Variants in PPFIA2 observed in about 807,000 individuals in gnomAD.
PPFIA2 encodes PPFI scaffold protein A2.
PPFIA2 carries 46 observed loss-of-function variants against 175.5 expected under a neutral mutation model. That is an observed-to-expected ratio of 0.26 (90% CI 0.21 to 0.34). The LOEUF (loss-of-function observed/expected upper bound fraction) is 0.34. Among genes scored for constraint, PPFIA2 ranks in the 10% least tolerant of loss-of-function variants. The pLI, the probability that PPFIA2 is intolerant of heterozygous loss-of-function variation, is 1.00. For missense variants in PPFIA2, 1,179 were observed against 1,506.1 expected (o/e 0.78, Z 3.60); for synonymous variants, 568 against 511.4 (o/e 1.11, Z -1.49).
intron 14 of PPFIA2, among the ~76,000 whole-genome samples, chr12:81,363,026 C>T (rs758396645): frequency 9.9e-5 from 15 of 151,274 alleles, no homozygotes; most frequent in Admixed American, 6.6e-4. Context: ...TTTGAAAATT[C>T]GTGGGAATAT....
At chr12:81,595,131 C>T (rs2059105802) in intron 4 of PPFIA2, among the ~76,000 whole-genome samples, 1 of 151,144 alleles carries the variant, frequency 6.6e-6, no homozygotes, top group Admixed American at 6.6e-5. Flanking sequence ...GTTAGTAGAG[C>T]AAATAGATGG....
intron 4 of PPFIA2, among the ~76,000 whole-genome samples, chr12:81,666,416 G>C (rs1435858676): frequency 6.6e-6 from 1 of 152,124 alleles, no homozygotes; most frequent in Non-Finnish European, 1.5e-5. Flanking sequence ...ATACACCATG[G>C]AATATTATGC....
chr12:81,408,504 T>C (rs2043321540), intron 7 of PPFIA2, among the ~76,000 whole-genome samples: 1 of 152,168 alleles, frequency 6.6e-6, no homozygotes, highest in South Asian at 2.1e-4. Flanking sequence ...ATTTGTTTAA[T>C]AAACAGATGA....
chr12:81,459,715 G>A (rs940041697), intron 4 of PPFIA2, among the ~76,000 whole-genome samples: 24 of 152,156 alleles, frequency 1.6e-4, no homozygotes, highest in Admixed American at 1.4e-3. Context: ...CAGAAAGCTC[G>A]GCCTTTTTTA....
At chr12:81,657,574 G>C (rs1468357444) in intron 4 of PPFIA2, among the ~76,000 whole-genome samples, 1 of 152,110 alleles carries the variant, frequency 6.6e-6, no homozygotes, top group Non-Finnish European at 1.5e-5. Flanking sequence ...GTCACAGGGA[G>C]GATGTTTAGG....
intron 3 of PPFIA2, among the ~76,000 whole-genome samples, chr12:81,701,297 A>G (rs2076446579): frequency 6.6e-6 from 1 of 152,162 alleles, no homozygotes; most frequent in Non-Finnish European, 1.5e-5. Context: ...ATTACTGCTC[A>G]TTACAGGTGG....
intron 5 of PPFIA2, among the ~76,000 whole-genome samples, chr12:81,455,630 G>A (rs892260468): frequency 9.2e-5 from 14 of 151,978 alleles, no homozygotes; most frequent in African/African-American, 3.4e-4. Flanking sequence ...GTTCTCATGG[G>A]GTTCAATATG....
intron 4 of PPFIA2, among the ~76,000 whole-genome samples, chr12:81,569,798 C>T (rs1389875403): frequency 6.6e-6 from 1 of 152,018 alleles, no homozygotes. Context: ...TTATTTAATA[C>T]ACAAAATATA....
At chr12:81,337,256 G>T (rs1234995367) in intron 21 of PPFIA2, among the ~76,000 whole-genome samples, 1 of 151,922 alleles carries the variant, frequency 6.6e-6, no homozygotes, top group Non-Finnish European at 1.5e-5. Context: ...CATCCATATT[G>T]CAGTCCTTAA....
chr12:81,494,190 C>T (rs1182134361), intron 4 of PPFIA2, among the ~76,000 whole-genome samples: 2 of 151,972 alleles, frequency 1.3e-5, no homozygotes, highest in Non-Finnish European at 2.9e-5. Flanking sequence ...TCGCAACCTA[C>T]TCATCTGACA....
At chr12:81,540,938 C>T (rs1481659803) in intron 4 of PPFIA2, among the ~76,000 whole-genome samples, 4 of 151,936 alleles carry the variant, frequency 2.6e-5, no homozygotes, top group African/African-American at 7.2e-5. Context: ...TTGGTGCCTC[C>T]GCATTCCATT....
At chr12:81,426,182 T>C (rs967265782) in intron 7 of PPFIA2, among the ~76,000 whole-genome samples, 3 of 152,176 alleles carry the variant, frequency 2.0e-5, no homozygotes, top group East Asian at 1.9e-4. Context: ...GAAGCCTTGA[T>C]TGAAACTTCA....
intron 6 of PPFIA2, among the ~76,000 whole-genome samples, chr12:81,444,256 T>C (rs1392708825): frequency 1.3e-5 from 2 of 152,196 alleles, no homozygotes; most frequent in Non-Finnish European, 2.9e-5. Flanking sequence ...TGTTTTGAGT[T>C]GTTTTTCATT....
At chr12:81,692,318 T>C (rs914519458) in intron 3 of PPFIA2, among the ~76,000 whole-genome samples, 13 of 152,122 alleles carry the variant, frequency 8.5e-5, no homozygotes, top group African/African-American at 3.1e-4. Context: ...GCTGATACTT[T>C]GATTGCAGCC....
intron 4 of PPFIA2, among the ~76,000 whole-genome samples, chr12:81,520,339 T>C (rs2062967065): frequency 6.6e-6 from 1 of 152,184 alleles, no homozygotes; most frequent in Non-Finnish European, 1.5e-5. Context: ...TTCATCACAC[T>C]ACTCTGAATG....
chr12:81,335,594 A>T (rs1161927417), intron 21 of PPFIA2, among the ~76,000 whole-genome samples: 1 of 152,094 alleles, frequency 6.6e-6, no homozygotes, highest in Non-Finnish European at 1.5e-5. Context: ...AAATACAAAA[A>T]TTAGCCAGGC....
chr12:81,644,668 A>G (rs1335836425), intron 4 of PPFIA2, among the ~76,000 whole-genome samples: 2 of 152,078 alleles, frequency 1.3e-5, no homozygotes, highest in Non-Finnish European at 2.9e-5. Flanking sequence ...TTCTGTTAAT[A>G]TTTGTTTTCC....
chr12:81,616,346 A>C (rs1280353962), intron 4 of PPFIA2, among the ~76,000 whole-genome samples: 1 of 152,098 alleles, frequency 6.6e-6, no homozygotes, highest in East Asian at 1.9e-4. Context: ...TTTTATGCTG[A>C]TGGTCTCTTC....
chr12:81,743,474 T>G (rs1011583308), intron 3 of PPFIA2, among the ~76,000 whole-genome samples: 5 of 78,776 alleles, frequency 6.3e-5, no homozygotes, highest in South Asian at 4.7e-4. Flanking sequence ...AGATAAATGG[T>G]GGGGTGGCAT....
Sources: allele counts gnomAD v4.1 joint callset (sites outside exome capture counted in the v4.1 genomes callset), GRCh38; gene constraint gnomAD v4.1.1; transcripts MANE v1.5; gene names NCBI Gene and HGNC (gene_info 2026-07-23, HGNC 2026-07-21).